The following SAMD5 variants were observed in gnomAD, a reference collection of about 807,000 sequenced individuals.
SAMD5 encodes sterile alpha motif domain containing 5.
A neutral mutation model predicts 11.3 loss-of-function variants in SAMD5; 13 were observed. The ratio of observed to expected loss-of-function variants is 1.15; its 90% CI spans 0.75 to 1.83. The LOEUF is 1.83. Among genes scored for constraint, SAMD5 ranks in the 40% most tolerant of loss-of-function variants. SAMD5 has a pLI of 0.00. For synonymous variants in SAMD5, 129 were observed against 111.3 expected (o/e 1.16, Z -1.00); for missense variants, 255 against 239.1 (o/e 1.07, Z -0.44).
the SAMD5 span, among the ~76,000 whole-genome samples, chr6:147,759,663 T>C: frequency 6.6e-6 from 1 of 151,832 alleles, no homozygotes; most frequent in Non-Finnish European, 1.5e-5. Context: ...TAAACAATTA[T>C]TTCTTAAAGT....
At chr6:147,909,309 G>C in the SAMD5 span, among the ~76,000 whole-genome samples, 965 of 150,256 alleles carry the variant, frequency 6.4e-3, 13 homozygotes, top group African/African-American at 0.022. Flanking sequence ...AGTCCTTGAA[G>C]AATCTACACT....
At chr6:147,900,052 A>C in the SAMD5 span, among the ~76,000 whole-genome samples, 1 of 152,126 alleles carries the variant, frequency 6.6e-6, no homozygotes, top group Admixed American at 6.5e-5. Context: ...ATTGGACTTT[A>C]TTTCTTTTAG....
At chr6:147,788,930 A>C in the SAMD5 span, among the ~76,000 whole-genome samples, 1 of 151,948 alleles carries the variant, frequency 6.6e-6, no homozygotes, top group African/African-American at 2.4e-5. Context: ...AAGAATACAA[A>C]AAAATTAGCC....
chr6:147,868,474 G>A, the SAMD5 span, among the ~76,000 whole-genome samples: 1 of 152,078 alleles, frequency 6.6e-6, no homozygotes, highest in Non-Finnish European at 1.5e-5. Context: ...TACCTTCAAT[G>A]TTTTAGACAT....
chr6:147,756,372 A>G, the SAMD5 span, among the ~76,000 whole-genome samples: 409 of 152,256 alleles, frequency 2.7e-3, 2 homozygotes, highest in African/African-American at 9.2e-3. Context: ...TTTGATTTGG[A>G]TCCTGGGGAT....
At chr6:147,904,981 T>C in the SAMD5 span, among the ~76,000 whole-genome samples, 2 of 151,454 alleles carry the variant, frequency 1.3e-5, no homozygotes, top group Non-Finnish European at 2.9e-5. Context: ...CTCTGCCTCC[T>C]GGATTCAAGC....
chr6:147,569,235 A>G lies in SAMD5; in HGVS notation c.*4779A>G, dbSNP rs897447144. 116 of 335,018 alleles carry G rather than the reference A, an allele frequency of 3.5e-4. No homozygotes were observed. Among genetic ancestry groups the G allele is most frequent in the African/African-American group, 9.0e-4 (39 of 43,336 alleles). The allele number at this position is 335,018 out of a possible 1,614,324, so 20.8% of individuals were successfully genotyped here. A position where few individuals can be genotyped will look rare whatever the true frequency, so the allele number is the denominator to read the frequency against. On this transcript the variant is annotated 3_prime_UTR_variant, in exon 2 of 2. Transcript: ENST00000367474. ...GACTCTGTCTAAAAAAAAAAAAAAA[A>G]GAAAAGAAAAAAGAAAAATTGAAGA... is the stretch of plus-strand genomic sequence containing the variant.
the SAMD5 span, among the ~76,000 whole-genome samples, chr6:147,856,739 A>C: frequency 1.3e-5 from 2 of 149,912 alleles, no homozygotes; most frequent in African/African-American, 4.9e-5. Flanking sequence ...TTTAACCGTC[A>C]GCAGTCCAAG....
chr6:147,805,618 G>A, the SAMD5 span, among the ~76,000 whole-genome samples: 5 of 152,162 alleles, frequency 3.3e-5, no homozygotes, highest in African/African-American at 1.2e-4. Context: ...CCTGCTCTAT[G>A]TTAGATCCTG....
Position 147,569,418 on chromosome 6 carries a change from A to C in SAMD5, c.*4962A>C, listed in dbSNP as rs552602750. 1 of 964,936 alleles carries C rather than the reference A, an allele frequency of 1.0e-6. No homozygotes were observed. 59.8% of individuals were successfully genotyped at this position (964,936 alleles called of 1,614,324 possible). A position where few individuals can be genotyped will look rare whatever the true frequency, so the allele number is the denominator to read the frequency against. On this transcript the variant is annotated 3_prime_UTR_variant, in exon 2 of 2. Transcript: ENST00000367474. Reference sequence around the variant, plus strand: ...AAGAGCTAAGTAGTATTTTTTTCTTAACAATTTTGCCAAAATTTCTTCTAC... The same window carrying C: ...AAGAGCTAAGTAGTATTTTTTTCTTCACAATTTTGCCAAAATTTCTTCTAC...
At chr6:147,591,442 C>T (rs748010561) in intron 1 of SAMD5, among the ~76,000 whole-genome samples, 2 of 152,138 alleles carry the variant, frequency 1.3e-5, no homozygotes, top group African/African-American at 2.4e-5. Flanking sequence ...CGGGAGGGGT[C>T]GGCCACTGTT....
the SAMD5 span, among the ~76,000 whole-genome samples, chr6:147,909,613 TTTCTTTCTTTCTTTCTTTCTC>T: frequency 1.4e-4 from 10 of 69,080 alleles, no homozygotes; most frequent in South Asian, 3.2e-3. Flanking sequence ...TCTTTCTTTC[TTTCTTTCTTTCTTTCTTTCTC>T]TTTCTTGTCT....
At chr6:147,922,268 G>A in the SAMD5 span, among the ~76,000 whole-genome samples, 1 of 152,028 alleles carries the variant, frequency 6.6e-6, no homozygotes, top group African/African-American at 2.4e-5. Flanking sequence ...GATTTCCACT[G>A]CTTATTAGCA....
the SAMD5 span, chr6:147,953,604 T>C: frequency 1.3e-5 from 2 of 152,238 alleles, no homozygotes; most frequent in Non-Finnish European, 2.9e-5. Flanking sequence ...TTTTTGATTA[T>C]GTTAAAATCA....
At chr6:147,880,908 C>A in the SAMD5 span, among the ~76,000 whole-genome samples, 1 of 152,092 alleles carries the variant, frequency 6.6e-6, no homozygotes, top group African/African-American at 2.4e-5. Flanking sequence ...AACTTGATAT[C>A]CTTCTCATTC....
chr6:147,847,264 T>C, the SAMD5 span, among the ~76,000 whole-genome samples: 3 of 152,204 alleles, frequency 2.0e-5, no homozygotes, highest in Non-Finnish European at 4.4e-5. Flanking sequence ...TCCAGAGCAG[T>C]CTAATTCAAG....
intron 1 of SAMD5, among the ~76,000 whole-genome samples, chr6:147,677,631 G>A (rs1790882752): frequency 6.6e-6 from 1 of 152,166 alleles, no homozygotes; most frequent in African/African-American, 2.4e-5. Context: ...GGGCTGGGCA[G>A]CAGAAGAGCT....
chr6:147,690,793 T>A (rs962408260), intron 1 of SAMD5, among the ~76,000 whole-genome samples: 4 of 152,210 alleles, frequency 2.6e-5, no homozygotes, highest in Non-Finnish European at 4.4e-5. Context: ...CTGAATTTTA[T>A]GTTTCCTCTC....
At chr6:147,880,623 G>A in the SAMD5 span, among the ~76,000 whole-genome samples, 58 of 152,200 alleles carry the variant, frequency 3.8e-4, no homozygotes, top group Middle Eastern at 0.01. Flanking sequence ...CGTTTTCTCG[G>A]AACCCCTCAG....
Sources: allele counts gnomAD v4.1 joint callset (sites outside exome capture counted in the v4.1 genomes callset), GRCh38; gene constraint gnomAD v4.1.1; transcripts MANE v1.5; gene names NCBI Gene and HGNC (gene_info 2026-07-23, HGNC 2026-07-21).